The following SAMSN1 variants were observed in gnomAD, a reference collection of about 807,000 sequenced individuals.
The protein encoded by SAMSN1 is SAM domain-containing protein SAMSN-1.
A neutral mutation model predicts 42.0 loss-of-function variants in SAMSN1; 31 were observed. That is an observed-to-expected ratio of 0.74 (90% confidence interval 0.55 to 1.00). SAMSN1 has a LOEUF of 1.00. Ranked by LOEUF, SAMSN1 falls within the 50% of genes least tolerant of loss-of-function variation. SAMSN1 has a pLI of 0.00. For missense variants in SAMSN1, 464 were observed against 439.4 expected, an observed-to-expected ratio of 1.06 and a Z score of -0.50; for synonymous variants, 178 against 151.9, an observed-to-expected ratio of 1.17 and a Z score of -1.26.
chr21:14,618,169 G>A (rs1048500642), intron 2 of SAMSN1, among the ~76,000 whole-genome samples: 3 of 152,304 alleles, frequency 2.0e-5, no homozygotes, highest in Admixed American at 6.5e-5. Context: ...TCCTCATGAT[G>A]AATCAGTTTA....
intron 2 of SAMSN1, among the ~76,000 whole-genome samples, chr21:14,640,250 A>C (rs1194667562): frequency 6.6e-6 from 1 of 152,152 alleles, no homozygotes; most frequent in Non-Finnish European, 1.5e-5. Flanking sequence ...TTTTCAATTC[A>C]TGTGGCAACT....
intron 2 of SAMSN1, among the ~76,000 whole-genome samples, chr21:14,559,800 C>T (rs1164200228): frequency 2.0e-5 from 3 of 152,232 alleles, no homozygotes; most frequent in East Asian, 3.9e-4. Flanking sequence ...GCCACCAAGC[C>T]TGGCCTCAAA....
chr21:14,578,096 T>G (rs1981566764), intron 2 of SAMSN1, among the ~76,000 whole-genome samples: 1 of 152,192 alleles, frequency 6.6e-6, no homozygotes, highest in Non-Finnish European at 1.5e-5. Flanking sequence ...CAATAAATAT[T>G]ACTTACTATA....
In SAMSN1 at chr21:14,485,972, C is replaced by T; in HGVS notation, c.1062G>A (p.Leu354=). ...CCATGTCAGACAGATTTTCAGACTC[C>T]AGATCCTCTTTGCCATTATCTGAAT... ...SGNSDNGKED[L]ESENLSDMVH... Residue 354 remains leucine (L), a synonymous_variant, in exon 8 of 8, where the codon CTG becomes CTA. Coordinates refer to ENST00000400566, the MANE Select transcript of SAMSN1 (RefSeq NM_022136.5). 1 of 1,613,712 alleles carries T rather than the reference C, an allele frequency of 6.2e-7. No homozygotes were observed. Among genetic ancestry groups the T allele is most frequent in the East Asian group, 2.2e-5 (1 of 44,858 alleles).
rs1280962252 is a variant in SAMSN1, at chr21:14,658,735, T to C, written c.24+13A>G. ...AAAATGAGAACATAAATGCTGCAAA[T>C]AAAGGAACTTACCAGCGAAATGCAG... On this transcript the variant is annotated intron_variant, in intron 1 of 15. Transcript: ENST00000647101. 12 of 715,244 alleles carry C rather than the reference T, an allele frequency of 1.7e-5. No individual in the cohort carries two copies. The Admixed American group carries it at 2.4e-4, about 14-fold the overall frequency. 44.3% of individuals were successfully genotyped at this position (715,244 alleles called of 1,614,324 possible).
At chr21:14,544,424 A>G (rs377383693) in intron 1 of SAMSN1, among the ~76,000 whole-genome samples, 22 of 152,344 alleles carry the variant, frequency 1.4e-4, no homozygotes, top group East Asian at 1.3e-3. Context: ...TGAGGAAAGG[A>G]GTTATTTTAA....
rs1408761366 is a variant in SAMSN1, at chr21:14,577,234, GTGTGTATATATATATATATA to G, written c.261+4882_261+4901del. Among the ~76,000 whole-genome samples the G allele has an allele frequency of 3.9e-3, 84 of 21,308 alleles. 4 individuals carry two copies. Among genetic ancestry groups the G allele is most frequent in the African/African-American group, 8.7e-3 (47 of 5,388 alleles). 14.0% of individuals were successfully genotyped at this position (21,308 alleles called of 152,430 possible). ...CCATGGTGGGCTAATTTATATATAT[GTGTGTATATATATATATATA>G]TATATATATATATATATATATATAT... On this transcript the variant is annotated intron_variant, in intron 2 of 8. Coordinates refer to the SAMSN1 transcript ENST00000285670.
intron 2 of SAMSN1, among the ~76,000 whole-genome samples, chr21:14,579,256 T>C (rs1292272602): frequency 6.6e-6 from 1 of 152,234 alleles, no homozygotes; most frequent in Middle Eastern, 3.2e-3. Context: ...TCACGAATGC[T>C]GAACAATATC....
At chr21:14,590,333 A>G (rs465340) in intron 7 of SAMSN1, among the ~76,000 whole-genome samples, 74,409 of 151,572 alleles carry the variant, frequency 0.49, 19,024 homozygotes, top group Admixed American at 0.61. Context: ...GCTGGCGTGC[A>G]TTTGCATGAT....
intron 2 of SAMSN1, among the ~76,000 whole-genome samples, chr21:14,555,638 T>C (rs1034407817): frequency 6.6e-6 from 1 of 152,172 alleles, no homozygotes; most frequent in Admixed American, 6.6e-5. Flanking sequence ...CTCTCCACAT[T>C]TTCATATTCT....
At chr21:14,639,600 T>G (rs528597219) in intron 2 of SAMSN1, among the ~76,000 whole-genome samples, 1 of 152,248 alleles carries the variant, frequency 6.6e-6, no homozygotes, top group Non-Finnish European at 1.5e-5. Flanking sequence ...AGGAGAGACA[T>G]CCAAACCATA....
chr21:14,583,421 T>A, upstream of SAMSN1: 1 of 469,426 alleles, frequency 2.1e-6, no homozygotes, highest in South Asian at 2.5e-5. Context: ...TCTCTCTCAC[T>A]GTGTCTCGGA....
At chr21:14,517,213 C>G (rs1028270) in intron 2 of SAMSN1, among the ~76,000 whole-genome samples, 172 bp from the exon 3 acceptor site, 48,480 of 152,104 alleles carry the variant, frequency 0.32, 7,946 homozygotes, top group Non-Finnish European at 0.35. Context: ...AGTTGTCCAG[C>G]CCTGGTTGCT....
chr21:14,579,267 A>G (rs1981617916), intron 2 of SAMSN1, among the ~76,000 whole-genome samples: 2 of 152,194 alleles, frequency 1.3e-5, no homozygotes, highest in Non-Finnish European at 1.5e-5. Flanking sequence ...GAACAATATC[A>G]TCTGAAATTC....
intron 2 of SAMSN1, among the ~76,000 whole-genome samples, chr21:14,636,617 C>G (rs1299219493): frequency 6.6e-6 from 1 of 152,058 alleles, no homozygotes; most frequent in Non-Finnish European, 1.5e-5. Flanking sequence ...TCGAGGCAGG[C>G]GGATCACGAG....
intron 2 of SAMSN1, among the ~76,000 whole-genome samples, chr21:14,581,328 A>AG (rs1981711025): frequency 1.8e-5 from 2 of 114,190 alleles, no homozygotes; most frequent in South Asian, 6.8e-4. Flanking sequence ...CTGTAAAATG[A>AG]GGGGAAATAA....
In SAMSN1 at chr21:14,490,210, C is replaced by T. The variant is rs17003287; in HGVS notation, c.920-4096G>A. ...TAGGAAAATTCCTGGCTAAAGGAAT[C>T]TCTCAATAAATAATTTTTTAATAAA... On this transcript the variant is annotated intron_variant, in intron 7 of 7. Coordinates refer to ENST00000400566, the MANE Select transcript of SAMSN1 (RefSeq NM_022136.5). Among the ~76,000 whole-genome samples the T allele has an allele frequency of 9.0e-3, 1,365 of 152,132 alleles. 20 individuals carry two copies. The highest frequency in any genetic ancestry group is 0.03 in the African/African-American group (1,248 of 41,520).
chr21:14,616,783 G>A (rs1357398056), intron 2 of SAMSN1, among the ~76,000 whole-genome samples: 1 of 152,094 alleles, frequency 6.6e-6, no homozygotes, highest in Non-Finnish European at 1.5e-5. Flanking sequence ...AAAGAAAATT[G>A]CAACGAATAT....
At chr21:14,594,009 T>A (rs1982173111) in intron 7 of SAMSN1, 1 of 715,792 alleles carries the variant, frequency 1.4e-6, no homozygotes, top group Non-Finnish European at 2.6e-6. Flanking sequence ...AAGAAATGTC[T>A]CACCAGTTCA....
Sources: allele counts gnomAD v4.1 joint callset (sites outside exome capture counted in the v4.1 genomes callset), GRCh38; gene constraint gnomAD v4.1.1; transcripts MANE v1.5; gene names NCBI Gene and HGNC (gene_info 2026-07-23, HGNC 2026-07-21).